The following FAM222B variants were observed in gnomAD, a reference collection of about 807,000 sequenced individuals.
FAM222B encodes the protein family with sequence similarity 222 member B, also known as protein FAM222B.
A neutral mutation model predicts 38.0 loss-of-function variants in FAM222B; 12 were observed. The ratio of observed to expected loss-of-function variants is 0.32; its 90% CI spans 0.20 to 0.51. The LOEUF is 0.51. Among genes scored for constraint, FAM222B ranks in the 20% least tolerant of loss-of-function variants. The pLI, the probability that FAM222B is intolerant of heterozygous loss-of-function variation, is 0.97. For synonymous variants in FAM222B, 329 were observed against 317.2 expected (o/e 1.04, Z -0.40); for missense variants, 716 against 754.2 (o/e 0.95, Z 0.59).
At chr17:28,770,761 A>G (rs200172961) in intron 1 of FAM222B, among the ~76,000 whole-genome samples, 1 of 151,494 alleles carries the variant, frequency 6.6e-6, no homozygotes, top group Admixed American at 6.6e-5. Flanking sequence ...TAGTAGAGAC[A>G]GGGTTTCACT....
intron 1 of FAM222B, among the ~76,000 whole-genome samples, chr17:28,837,684 G>A (rs1302646261): frequency 2.0e-5 from 3 of 149,134 alleles, no homozygotes; most frequent in East Asian, 2.0e-4. Flanking sequence ...AGTCTCGCTC[G>A]CTGTTTCGCC....
At chr17:28,823,701 T>G (rs2038342811) in intron 1 of FAM222B, among the ~76,000 whole-genome samples, 1 of 152,100 alleles carries the variant, frequency 6.6e-6, no homozygotes, top group Non-Finnish European at 1.5e-5. Context: ...ATTGCTCTTC[T>G]CTAGCCACAA....
chr17:28,827,627 G>A (rs974065127), intron 1 of FAM222B, among the ~76,000 whole-genome samples: 5 of 152,158 alleles, frequency 3.3e-5, no homozygotes, highest in Non-Finnish European at 7.3e-5. Context: ...TTAACTATGA[G>A]CTAAATCCTA....
At chr17:28,798,689 C>G (rs998483664) in intron 1 of FAM222B, among the ~76,000 whole-genome samples, 43 of 150,050 alleles carry the variant, frequency 2.9e-4, no homozygotes, top group African/African-American at 9.3e-4. Flanking sequence ...AACTGGAGTG[C>G]AGTGGCGCGA....
chr17:28,802,377 C>T (rs1334108035), intron 1 of FAM222B: 2 of 151,650 alleles, frequency 1.3e-5, no homozygotes, highest in African/African-American at 4.9e-5. Flanking sequence ...GGATTATAGA[C>T]ATGAGCCACT....
intron 1 of FAM222B, among the ~76,000 whole-genome samples, chr17:28,820,522 C>T (rs544194393): frequency 6.6e-6 from 1 of 152,200 alleles, no homozygotes; most frequent in South Asian, 2.1e-4. Context: ...GGCTGTGATG[C>T]TATAAATATA....
chr17:28,797,742 T>C (rs948084020), intron 1 of FAM222B, among the ~76,000 whole-genome samples: 1 of 152,160 alleles, frequency 6.6e-6, no homozygotes, highest in Non-Finnish European at 1.5e-5. Context: ...TGGGTATGTA[T>C]CATCAGCCCC....
At chr17:28,792,944 G>C (rs2036771783) in intron 1 of FAM222B, among the ~76,000 whole-genome samples, 1 of 151,360 alleles carries the variant, frequency 6.6e-6, no homozygotes, top group Admixed American at 6.6e-5. Flanking sequence ...TTAAGATAGG[G>C]TCTCACTCTG....
chr17:28,762,852 T>C (rs1253498628), intron 2 of FAM222B, among the ~76,000 whole-genome samples: 1 of 150,848 alleles, frequency 6.6e-6, no homozygotes, highest in Non-Finnish European at 1.5e-5. Flanking sequence ...AGGCAAAGAA[T>C]TGCTTAAACC....
At chr17:28,780,199 T>C (rs1165190442) in intron 1 of FAM222B, among the ~76,000 whole-genome samples, 7 of 152,096 alleles carry the variant, frequency 4.6e-5, no homozygotes, top group African/African-American at 1.4e-4. Context: ...CTCGATCTCC[T>C]GACCTCATGA....
intron 1 of FAM222B, among the ~76,000 whole-genome samples, chr17:28,822,832 A>AAT (rs1254235399): frequency 0.038 from 1,605 of 42,698 alleles, 53 homozygotes; most frequent in Middle Eastern, 0.095. Flanking sequence ...AAAAAAAAAA[A>AAT]ATATATATAT....
intron 1 of FAM222B, among the ~76,000 whole-genome samples, chr17:28,789,103 A>C (rs1005140674): frequency 3.4e-5 from 5 of 146,172 alleles, no homozygotes; most frequent in Admixed American, 1.4e-4. Context: ...AAAAAAAAAA[A>C]CTAACACCCC....
At chr17:28,790,768 T>C (rs940620309) in intron 1 of FAM222B, among the ~76,000 whole-genome samples, 1 of 151,126 alleles carries the variant, frequency 6.6e-6, no homozygotes, top group African/African-American at 2.4e-5. Context: ...TTATAGGAAA[T>C]ACTAAAGTAT....
chr17:28,812,329 G>T (rs1167717621), intron 1 of FAM222B: 1 of 152,316 alleles, frequency 6.6e-6, no homozygotes, highest in Non-Finnish European at 1.5e-5. Flanking sequence ...GAAGAGAGGG[G>T]GCTTCTAGCG....
intron 1 of FAM222B, among the ~76,000 whole-genome samples, chr17:28,804,113 C>A (rs1180427544): frequency 6.6e-6 from 1 of 152,278 alleles, no homozygotes; most frequent in South Asian, 2.1e-4. Flanking sequence ...AAGGTCAGGT[C>A]TCTTCGGGAA....
intron 2 of FAM222B, 126 bp downstream of exon 2, chr17:28,766,457 TAAA>T: frequency 1.7e-3 from 990 of 595,090 alleles, no homozygotes; most frequent in South Asian, 2.4e-3. Context: ...GACTTCGTCT[TAAA>T]AAAAAAAAAA....
chr17:28,797,535 G>T (rs1297793910), intron 1 of FAM222B, among the ~76,000 whole-genome samples: 1 of 152,046 alleles, frequency 6.6e-6, no homozygotes, highest in African/African-American at 2.4e-5. Flanking sequence ...ATGGAAAAGG[G>T]TTTTTTTCAG....
At chr17:28,764,229 G>T (rs893678929) in intron 2 of FAM222B, among the ~76,000 whole-genome samples, 1 of 134,206 alleles carries the variant, frequency 7.5e-6, no homozygotes, top group South Asian at 2.5e-4. Flanking sequence ...CCGAGATTGC[G>T]CCACTGCACT....
chr17:28,805,366 C>CT (rs2037437431), intron 1 of FAM222B, among the ~76,000 whole-genome samples: 1 of 152,178 alleles, frequency 6.6e-6, no homozygotes, highest in Non-Finnish European at 1.5e-5. Context: ...GAAACCCCGT[C>CT]TCTACTGAAA....
Sources: gnomAD v4.1 joint callset for allele counts (sites outside exome capture counted in the v4.1 genomes callset) on GRCh38, gnomAD v4.1.1 for gene constraint, MANE v1.5 for transcripts, NCBI Gene and HGNC (gene_info 2026-07-23, HGNC 2026-07-21) for gene names.